SEMA3A: variants seen among roughly 807,000 people sequenced by gnomAD.
SEMA3A encodes semaphorin 3A, also known as semaphorin-3A.
SEMA3A carries 29 observed loss-of-function variants against 97.9 expected under a neutral mutation model. The ratio of observed to expected loss-of-function variants is 0.30; its 90% CI spans 0.22 to 0.40. SEMA3A has a LOEUF of 0.40. Among genes scored for constraint, SEMA3A ranks in the 10% least tolerant of loss-of-function variants. The pLI is 1.00. For missense variants in SEMA3A, 763 were observed against 951.3 expected (o/e 0.80, Z 2.60); for synonymous variants, 321 against 323.7 (o/e 0.99, Z 0.09).
intron 1 of SEMA3A, among the ~76,000 whole-genome samples, chr7:84,384,828 T>C (rs1014424071): frequency 1.1e-4 from 17 of 152,174 alleles, no homozygotes; most frequent in Non-Finnish European, 2.2e-4. Context: ...TAATGTAATA[T>C]TTAGAGAGCA....
intron 3 of SEMA3A, among the ~76,000 whole-genome samples, chr7:84,124,336 C>T (rs560401205): frequency 3.3e-5 from 5 of 152,198 alleles, no homozygotes; most frequent in East Asian, 1.9e-4. Flanking sequence ...GTGCAGGCTC[C>T]GGAAATCAGG....
chr7:84,303,019 T>C (rs1801060418), intron 3 of SEMA3A, among the ~76,000 whole-genome samples: 2 of 152,130 alleles, frequency 1.3e-5, no homozygotes, highest in African/African-American at 2.4e-5. Context: ...GCAAAATAAA[T>C]AGATAAATAA....
chr7:84,349,188 T>C (rs1420586732), intron 2 of SEMA3A, among the ~76,000 whole-genome samples: 2 of 152,188 alleles, frequency 1.3e-5, no homozygotes, highest in African/African-American at 4.8e-5. Context: ...ATCTATTAAT[T>C]GCCCCTGGCT....
At chr7:84,095,105 T>C (rs1794717128) in intron 4 of SEMA3A, among the ~76,000 whole-genome samples, 1 of 148,632 alleles carries the variant, frequency 6.7e-6, no homozygotes, top group African/African-American at 2.5e-5. Flanking sequence ...ATAAATATAC[T>C]GTGGATCTCT....
At chr7:84,330,235 C>T (rs960433607) in intron 2 of SEMA3A, among the ~76,000 whole-genome samples, 13 of 151,780 alleles carry the variant, frequency 8.6e-5, no homozygotes, top group African/African-American at 2.9e-4. Flanking sequence ...TGCACATGTA[C>T]CCCTGAACTT....
intron 1 of SEMA3A, among the ~76,000 whole-genome samples, chr7:84,412,631 G>A (rs550632338): frequency 6.6e-6 from 1 of 152,258 alleles, no homozygotes; most frequent in Non-Finnish European, 1.5e-5. Flanking sequence ...ATCCTTTCCT[G>A]ATGAGCAATC....
chr7:84,023,395 G>A (rs752312030), intron 6 of SEMA3A, among the ~76,000 whole-genome samples: 1 of 152,124 alleles, frequency 6.6e-6, no homozygotes, highest in Non-Finnish European at 1.5e-5. Context: ...TGAATCAAAT[G>A]TACAGAATGA....
chr7:84,314,338 C>T (rs1480356521), intron 2 of SEMA3A, among the ~76,000 whole-genome samples: 2 of 152,102 alleles, frequency 1.3e-5, no homozygotes, highest in African/African-American at 4.8e-5. Context: ...AAACAGACAT[C>T]CGTGCAATAG....
intron 1 of SEMA3A, among the ~76,000 whole-genome samples, chr7:84,148,492 T>C (rs1426008973): frequency 6.6e-6 from 1 of 152,198 alleles, no homozygotes; most frequent in African/African-American, 2.4e-5. Context: ...GTCACAATAA[T>C]GTCCTATTTA....
intron 1 of SEMA3A, among the ~76,000 whole-genome samples, chr7:84,422,079 TCACAG>T (rs1804610850): frequency 2.6e-5 from 4 of 152,128 alleles, no homozygotes; most frequent in Non-Finnish European, 5.9e-5. Flanking sequence ...TGTAATACTT[TCACAG>T]TGAATGGTAC....
intron 6 of SEMA3A, among the ~76,000 whole-genome samples, chr7:84,016,229 G>T (rs1176382704): frequency 6.6e-6 from 1 of 152,122 alleles, no homozygotes. Context: ...GTGTATGTTT[G>T]TGTGTGAGCA....
At chr7:84,106,167 C>T (rs974327828) in intron 4 of SEMA3A, among the ~76,000 whole-genome samples, 1 of 152,118 alleles carries the variant, frequency 6.6e-6, no homozygotes, top group Non-Finnish European at 1.5e-5. Flanking sequence ...AGTCAGGTGA[C>T]ACATAACATT....
chr7:84,348,030 G>A (rs962010048), intron 2 of SEMA3A, among the ~76,000 whole-genome samples: 4 of 152,078 alleles, frequency 2.6e-5, no homozygotes, highest in African/African-American at 7.2e-5. Context: ...ATTAGTAGAA[G>A]TGGGTGTGTG....
intron 1 of SEMA3A, among the ~76,000 whole-genome samples, chr7:84,476,592 T>C (rs76438223): frequency 0.027 from 4,091 of 152,114 alleles, 173 homozygotes; most frequent in African/African-American, 0.092. Flanking sequence ...TAAAATTCTA[T>C]CATTTGTAAA....
chr7:84,393,053 A>G (rs1803626721), intron 1 of SEMA3A, among the ~76,000 whole-genome samples: 1 of 152,140 alleles, frequency 6.6e-6, no homozygotes, highest in Non-Finnish European at 1.5e-5. Context: ...TTTGGATATA[A>G]TCGCATTTGT....
intron 1 of SEMA3A, among the ~76,000 whole-genome samples, chr7:84,418,506 C>A (rs1454309823): frequency 6.6e-6 from 1 of 152,016 alleles, no homozygotes; most frequent in East Asian, 1.9e-4. Context: ...ACATCCTAAC[C>A]ATATCACCCA....
At chr7:84,182,378 G>A (rs1797760045) in intron 1 of SEMA3A, among the ~76,000 whole-genome samples, 1 of 152,102 alleles carries the variant, frequency 6.6e-6, no homozygotes, top group African/African-American at 2.4e-5. Flanking sequence ...CGCCATTTTA[G>A]AGGATATGTT....
chr7:84,177,916 C>T (rs1400468607), intron 1 of SEMA3A, among the ~76,000 whole-genome samples: 1 of 152,092 alleles, frequency 6.6e-6, no homozygotes, highest in Non-Finnish European at 1.5e-5. Context: ...TGTCATCTTG[C>T]TCTTTCAACT....
rs538817842 is a variant in SEMA3A, at chr7:84,172,393, C to T, written c.112+22082G>A. Among the ~76,000 whole-genome samples the T allele has an allele frequency of 4.6e-5, 7 of 152,116 alleles. 1 individual carries two copies. The East Asian group carries it at 9.6e-4, about 21-fold the overall frequency. ...AATTTTCATGTCACAAAATATTCTT[C>T]TTTTGATTTTGCTTTCAGCCACTTT... On this transcript the variant is annotated intron_variant, in intron 1 of 16. Transcript: ENST00000265362.
Sources: gnomAD v4.1 joint callset for allele counts (sites outside exome capture counted in the v4.1 genomes callset) on GRCh38, gnomAD v4.1.1 for gene constraint, MANE v1.5 for transcripts, NCBI Gene and HGNC (gene_info 2026-07-23, HGNC 2026-07-21) for gene names.